Variants in EPHB2 observed in about 807,000 individuals in gnomAD.
The protein encoded by EPHB2 is EPH receptor B2, also known as ephrin type-B receptor 2.
In EPHB2, 18 loss-of-function variants were observed where a neutral mutation model predicts 96.4. That is an observed-to-expected ratio of 0.19 (90% CI 0.13 to 0.28). The LOEUF is 0.28. Among genes scored for constraint, EPHB2 ranks in the 10% least tolerant of loss-of-function variants. The pLI, the probability that EPHB2 is intolerant of heterozygous loss-of-function variation, is 1.00. For synonymous variants in EPHB2, 506 were observed against 534.1 expected (o/e 0.95, Z 0.72); for missense variants, 989 against 1,355.4 (o/e 0.73, Z 4.25).
Position 22,913,571 on chromosome 1 carries a change from C to T in EPHB2, c.*1C>T. 4 of 1,614,124 alleles carry T rather than the reference C, an allele frequency of 2.5e-6. No individual in the cohort carries two copies. The highest frequency in any genetic ancestry group is 3.3e-4 in the Middle Eastern group (2 of 6,062). Reference sequence around the variant, plus strand: ...CCAGATTCAGTCTGTGGAGGTTTGACATTCACCTGCCTCGGCTCACCTCTT... The same window carrying T: ...CCAGATTCAGTCTGTGGAGGTTTGATATTCACCTGCCTCGGCTCACCTCTT... On this transcript the variant is annotated 3_prime_UTR_variant, in exon 16 of 16. Transcript: ENST00000374630. The surrounding 1 kb of genome is among the most constrained non-coding windows in gnomAD (Gnocchi z 4.1).
chr1:22,908,929 T>C (rs1344525964), intron 12 of EPHB2, 93 bp from the exon 13 acceptor site: 2 of 1,564,880 alleles, frequency 1.3e-6, no homozygotes, highest in Admixed American at 3.7e-5. Flanking sequence ...CTCATGAGAT[T>C]GGGGCATCAC....
At chr1:22,909,277 C>T in intron 13 of EPHB2, 106 bp downstream of exon 13, 1 of 1,559,894 alleles carries the variant, frequency 6.4e-7, no homozygotes, top group East Asian at 2.3e-5. Flanking sequence ...GGGACATAGG[C>T]TTCTGAGATC....
intron 1 of EPHB2, among the ~76,000 whole-genome samples, chr1:22,751,979 A>G (rs967309185): frequency 1.3e-5 from 2 of 152,206 alleles, no homozygotes; most frequent in Non-Finnish European, 2.9e-5. Context: ...CCCTGTGCAC[A>G]GTGACACCAG....
chr1:22,862,317 T>C (rs1254752562), intron 3 of EPHB2, among the ~76,000 whole-genome samples: 3 of 152,248 alleles, frequency 2.0e-5, no homozygotes. Context: ...GCCCGCCTTT[T>C]ATTAATATTT....
intron 3 of EPHB2, among the ~76,000 whole-genome samples, chr1:22,823,602 A>C (rs1645182697): frequency 6.6e-6 from 1 of 152,216 alleles, no homozygotes; most frequent in African/African-American, 2.4e-5. Flanking sequence ...TGTCTCCTCA[A>C]GTGATATATA....
chr1:22,855,962 C>T (rs1457891285), intron 3 of EPHB2, among the ~76,000 whole-genome samples: 1 of 152,146 alleles, frequency 6.6e-6, no homozygotes, highest in African/African-American at 2.4e-5. Flanking sequence ...AGGAACTCAA[C>T]CCCAGGGTGC....
intron 3 of EPHB2, among the ~76,000 whole-genome samples, chr1:22,794,293 A>G (rs1365567958): frequency 2.6e-5 from 4 of 152,080 alleles, no homozygotes; most frequent in Admixed American, 1.3e-4. Context: ...CTGGGCCTTG[A>G]ATGACGAGGT....
chr1:22,862,327 T>G (rs1196489697), intron 3 of EPHB2, among the ~76,000 whole-genome samples: 1 of 152,252 alleles, frequency 6.6e-6, no homozygotes, highest in African/African-American at 2.4e-5. Context: ...TATTAATATT[T>G]TAATAAATTG....
chr1:22,863,184 C>T lies in EPHB2; in HGVS notation c.959C>T (p.Pro320Leu), dbSNP rs1638337126. The T allele has an allele frequency of 8.1e-6, 13 of 1,614,188 alleles. No individual in the cohort carries two copies. Among genetic ancestry groups the T allele is most frequent in the Non-Finnish European group, 1.0e-5 (12 of 1,180,036 alleles). Residue 320 changes from proline (P) to leucine (L), a missense_variant, in exon 4 of 16, where the codon CCC (proline) becomes CTC (leucine). Transcript: ENST00000374630. ...GCAGACCTGGACCCCCTGGACATGCCCTGCACAAGTAAGTCCTAGGGCCCC... is the reference window on the plus strand; with the variant it reads ...GCAGACCTGGACCCCCTGGACATGCTCTGCACAAGTAAGTCCTAGGGCCCC... ...YRADLDPLDMPCTTIPSAPQA... is the reference protein window; with the variant it reads ...YRADLDPLDMLCTTIPSAPQA...
chr1:22,913,718 G>A lies in EPHB2; in HGVS notation c.*148G>A, dbSNP rs983936477. 2 of 1,602,102 alleles carry A rather than the reference G, an allele frequency of 1.2e-6. No individual in the cohort carries two copies. Among genetic ancestry groups the A allele is most frequent in the Non-Finnish European group, 1.7e-6 (2 of 1,174,516 alleles). On this transcript the variant is annotated 3_prime_UTR_variant, in exon 16 of 16. Coordinates refer to ENST00000374630, the MANE Select transcript of EPHB2 (RefSeq NM_017449.5). This position sits in a 1 kb window ranked among gnomAD's most constrained non-coding sequence, Gnocchi z 4.1. ...AAGAACCAAGCGGTGCCAGCCACGA[G>A]ACGTCACCAAGAAAACATGCAACTC...
chr1:22,878,135 G>C (rs372782037), intron 5 of EPHB2, among the ~76,000 whole-genome samples: 1 of 152,230 alleles, frequency 6.6e-6, no homozygotes, highest in African/African-American at 2.4e-5. Context: ...TGAAGGTGGT[G>C]TGAATGGAGC....
intron 3 of EPHB2, among the ~76,000 whole-genome samples, chr1:22,793,215 C>T (rs1006125203): frequency 1.3e-5 from 2 of 152,198 alleles, no homozygotes; most frequent in African/African-American, 2.4e-5. Flanking sequence ...CAGAACAGCT[C>T]ATTCATTTTT....
At chr1:22,910,706 T>G (rs1054385683) in intron 14 of EPHB2, 131 bp downstream of exon 14, 1 of 1,213,870 alleles carries the variant, frequency 8.2e-7, no homozygotes, top group African/African-American at 1.5e-5. Flanking sequence ...GGACTAGTGT[T>G]TATTGGGTAC....
At chr1:22,837,600 G>T (rs1645403825) in intron 3 of EPHB2, among the ~76,000 whole-genome samples, 1 of 152,170 alleles carries the variant, frequency 6.6e-6, no homozygotes, top group Non-Finnish European at 1.5e-5. Flanking sequence ...AGCAAGGAGA[G>T]GGAGAAGGTG....
intron 13 of EPHB2, among the ~76,000 whole-genome samples, chr1:22,909,996 C>T (rs931013626): frequency 2.0e-5 from 3 of 152,022 alleles, no homozygotes; most frequent in Non-Finnish European, 4.4e-5. Flanking sequence ...AAGCATGTGG[C>T]CATGTGGGGT....
intron 1 of EPHB2, among the ~76,000 whole-genome samples, chr1:22,757,140 C>G (rs116839039): frequency 6.6e-6 from 1 of 151,588 alleles, no homozygotes; most frequent in Non-Finnish European, 1.5e-5. Flanking sequence ...TGGGAGAGGG[C>G]CTTTGTGTTT....
chr1:22,766,918 A>C (rs1319306870), intron 1 of EPHB2, among the ~76,000 whole-genome samples: 1 of 152,206 alleles, frequency 6.6e-6, no homozygotes, highest in Non-Finnish European at 1.5e-5. Context: ...TGGGCAGGGC[A>C]CTGGGCCCAG....
chr1:22,747,721 A>G (rs1643996797), intron 1 of EPHB2, among the ~76,000 whole-genome samples: 1 of 152,246 alleles, frequency 6.6e-6, no homozygotes, highest in African/African-American at 2.4e-5. Context: ...TTGGGGACTC[A>G]GGTGCGACCT....
At chr1:22,799,133 C>G (rs1322875244) in intron 3 of EPHB2, among the ~76,000 whole-genome samples, 1 of 152,128 alleles carries the variant, frequency 6.6e-6, no homozygotes, top group Non-Finnish European at 1.5e-5. Flanking sequence ...GTTCTGGGAC[C>G]CCAGCAGAGC....
Sources: gnomAD v4.1 joint callset for allele counts (sites outside exome capture counted in the v4.1 genomes callset) on GRCh38, gnomAD v4.1.1 for gene constraint, Gnocchi (gnomAD v3.1) non-coding constraint, MANE v1.5 for transcripts, NCBI Gene and HGNC (gene_info 2026-07-23, HGNC 2026-07-21) for gene names.